BLTP3A: variants seen among roughly 807,000 people sequenced by gnomAD.
BLTP3A encodes the protein ICBP90 binding protein 1.
chr6:34,874,157 AC>A, the BLTP3A span: 1 of 152,226 alleles, frequency 6.6e-6, no homozygotes, highest in Non-Finnish European at 1.5e-5. Context: ...TTTATAAATG[AC>A]CTGAAAGTAG....
At chr6:34,808,971 A>G in the BLTP3A span, among the ~76,000 whole-genome samples, 1 of 152,236 alleles carries the variant, frequency 6.6e-6, no homozygotes, top group Non-Finnish European at 1.5e-5. Flanking sequence ...GATTTCTTTT[A>G]AACATTTAAG....
the BLTP3A span, chr6:34,834,648 T>G: frequency 1.3e-6 from 2 of 1,565,502 alleles, no homozygotes; most frequent in Non-Finnish European, 1.7e-6. Context: ...TGCCAGTCTT[T>G]TTTCCTTGGA....
the BLTP3A span, among the ~76,000 whole-genome samples, chr6:34,803,684 GTTTGTT>G: frequency 6.6e-6 from 1 of 152,130 alleles, no homozygotes. Flanking sequence ...AAAGTTCCCA[GTTTGTT>G]TTTGTTTTTC....
At chr6:34,792,406 C>G in the BLTP3A span, 1 of 1,129,544 alleles carries the variant, frequency 8.9e-7, no homozygotes. Context: ...GCCCGGAGCC[C>G]GGACTCCGTG....
chr6:34,857,275 G>A, the BLTP3A span: 1 of 1,603,490 alleles, frequency 6.2e-7, no homozygotes, highest in East Asian at 2.2e-5. Context: ...AGCAGAAATG[G>A]AGGGCTGCTC....
the BLTP3A span, chr6:34,872,346 A>G: frequency 6.2e-7 from 1 of 1,611,776 alleles, no homozygotes; most frequent in Non-Finnish European, 8.5e-7. Context: ...AAAAGAACTT[A>G]TAGAAACTAA....
chr6:34,804,474 G>C, the BLTP3A span, among the ~76,000 whole-genome samples: 170 of 152,270 alleles, frequency 1.1e-3, 1 homozygote, highest in African/African-American at 3.9e-3. Context: ...CTGCAGAGCT[G>C]GGGGGTTGGA....
chr6:34,830,103 G>C, the BLTP3A span, among the ~76,000 whole-genome samples: 1 of 151,712 alleles, frequency 6.6e-6, no homozygotes, highest in African/African-American at 2.4e-5. Flanking sequence ...GTGAGCTACC[G>C]CGCCTGGCCT....
chr6:34,873,543 T>C, the BLTP3A span: 5 of 152,130 alleles, frequency 3.3e-5, no homozygotes, highest in African/African-American at 9.7e-5. Context: ...CCCAGCTAGG[T>C]TTTGCCCCCT....
At chr6:34,867,221 G>T in the BLTP3A span, 1 of 1,600,058 alleles carries the variant, frequency 6.2e-7, no homozygotes. Flanking sequence ...TCTTTTTCAT[G>T]CAGAGTCTGG....
At chr6:34,856,858 C>T in the BLTP3A span, 14 of 1,614,064 alleles carry the variant, frequency 8.7e-6, no homozygotes, top group East Asian at 2.7e-4. Context: ...GCCTGCCTTT[C>T]AGCCTCCAGC....
chr6:34,856,938 A>T, the BLTP3A span: 4 of 1,608,036 alleles, frequency 2.5e-6, no homozygotes, highest in Admixed American at 1.7e-5. Context: ...AGGTGAGGAC[A>T]TGAGGAAACA....
the BLTP3A span, among the ~76,000 whole-genome samples, chr6:34,801,973 A>G: frequency 6.6e-6 from 1 of 151,980 alleles, no homozygotes; most frequent in East Asian, 1.9e-4. Context: ...TCCTGACCTC[A>G]TGATCCACCC....
At chr6:34,826,357 C>CTTTT in the BLTP3A span, among the ~76,000 whole-genome samples, 1 of 135,426 alleles carries the variant, frequency 7.4e-6, no homozygotes, top group African/African-American at 2.7e-5. Flanking sequence ...TTACATCCTA[C>CTTTT]TTTTTTTTTT....
the BLTP3A span, among the ~76,000 whole-genome samples, chr6:34,852,274 C>T: frequency 6.6e-6 from 1 of 152,106 alleles, no homozygotes; most frequent in Admixed American, 6.5e-5. Flanking sequence ...AACCAAGGCC[C>T]ATGGCAAATA....
chr6:34,850,546 T>C, the BLTP3A span, among the ~76,000 whole-genome samples: 1 of 152,170 alleles, frequency 6.6e-6, no homozygotes, highest in Non-Finnish European at 1.5e-5. Flanking sequence ...TCATTCTTTT[T>C]TATTCTTTTT....
the BLTP3A span, among the ~76,000 whole-genome samples, chr6:34,801,058 A>C: frequency 1.6e-4 from 25 of 152,176 alleles, no homozygotes; most frequent in African/African-American, 5.6e-4. Context: ...ATTATAAAAT[A>C]TTTGTTGAAT....
chr6:34,867,249 C>G, the BLTP3A span: 24 of 1,613,354 alleles, frequency 1.5e-5, no homozygotes, highest in South Asian at 2.5e-4. Context: ...TCTGTTCCAC[C>G]AGGATCTCTT....
At chr6:34,834,645 CT>C in the BLTP3A span, 5 of 1,557,306 alleles carry the variant, frequency 3.2e-6, no homozygotes, top group Non-Finnish European at 1.7e-6. Context: ...CCTTGCCAGT[CT>C]TTTTTCCTTG....
Sources: allele counts gnomAD v4.1 joint callset (sites outside exome capture counted in the v4.1 genomes callset), GRCh38; gene constraint gnomAD v4.1.1; transcripts MANE v1.5; gene names NCBI Gene and HGNC (gene_info 2026-07-23, HGNC 2026-07-21).